INO80D: variants seen among roughly 807,000 people sequenced by gnomAD.
INO80D encodes the protein INO80 complex subunit D.
INO80D carries 21 observed loss-of-function variants against 87.6 expected under a neutral mutation model. That is an observed-to-expected ratio of 0.24 (90% CI 0.17 to 0.35). The LOEUF (loss-of-function observed/expected upper bound fraction) is 0.35, where lower values mean the gene tolerates loss of function less well. Ranked by LOEUF, INO80D falls within the 10% of genes least tolerant of loss-of-function variation. The pLI, the probability that INO80D is intolerant of heterozygous loss-of-function variation, is 1.00. For missense variants in INO80D, 982 were observed against 1,280.7 expected (o/e 0.77, Z 3.56); for synonymous variants, 440 against 491.0 (o/e 0.90, Z 1.37).
intron 6 of INO80D, among the ~76,000 whole-genome samples, chr2:206,026,593 A>G (rs1688621811): frequency 6.6e-6 from 1 of 150,900 alleles, no homozygotes; most frequent in Non-Finnish European, 1.5e-5. Flanking sequence ...AAATATATAT[A>G]AAAAACAAAA....
chr2:206,060,843 A>C (rs1315386504), intron 3 of INO80D, among the ~76,000 whole-genome samples: 2 of 152,064 alleles, frequency 1.3e-5, no homozygotes, highest in Non-Finnish European at 2.9e-5. Flanking sequence ...TACAGGCGTG[A>C]GCCACCGTGC....
At position 206,009,753 on chromosome 2, in the gene INO80D, G is replaced by T. The variant is rs540647686; in HGVS notation, c.1584C>A (p.His528Gln). 1 of 1,613,650 alleles carries T rather than the reference G, an allele frequency of 6.2e-7. No homozygotes were observed. Among genetic ancestry groups the T allele is most frequent in the East Asian group, 2.2e-5 (1 of 44,884 alleles). ...LRGDNSRKVQHQQQRKPRKKT... is the reference protein window; with the variant it reads ...LRGDNSRKVQQQQQRKPRKKT... Reference sequence around the variant, plus strand: ...TTTTCCTGGGTTTCCTCTGCTGCTGGTGCTGAACTTTACGGGAGTTATCTC... The same window carrying T: ...TTTTCCTGGGTTTCCTCTGCTGCTGTTGCTGAACTTTACGGGAGTTATCTC... The change falls in exon 9 of 11, where the codon CAC (histidine) becomes CAA (glutamine). Residue 528 changes from histidine to glutamine, a missense_variant. Coordinates refer to ENST00000403263, the MANE Select transcript of INO80D (RefSeq NM_017759.5).
chr2:206,033,736 A>G (rs764153398), intron 5 of INO80D, among the ~76,000 whole-genome samples: 7 of 152,194 alleles, frequency 4.6e-5, no homozygotes, highest in Admixed American at 1.3e-4. Flanking sequence ...AATAACCAAT[A>G]TCAGAGTAGA....
chr2:206,048,401 CTT>C (rs1347527549), intron 4 of INO80D, among the ~76,000 whole-genome samples: 1 of 151,962 alleles, frequency 6.6e-6, no homozygotes, highest in Non-Finnish European at 1.5e-5. Flanking sequence ...CCCAGCTAAT[CTT>C]TGTACTTTTT....
At chr2:206,046,409 A>G (rs1575843673) in intron 5 of INO80D, 95 bp downstream of exon 5, 1 of 803,080 alleles carries the variant, frequency 1.2e-6, no homozygotes, top group Non-Finnish European at 2.1e-6. Context: ...GCTTGGTGGC[A>G]GTAAGCTGAG....
chr2:206,086,049 A>G lies in INO80D; in HGVS notation c.-272T>C, dbSNP rs1690462389. On this transcript the variant is annotated 5_prime_UTR_variant, in exon 1 of 11. Transcript: ENST00000403263. ...CTCCGGCGAGAGCCTTTCCCTGTCA[A>G]GCAAGAGGGGTGAGGATCATATTTT... is the stretch of plus-strand genomic sequence containing the variant. 6.6e-6 allele frequency: 1 copy of G among 152,300 alleles called. No homozygotes were observed. The highest frequency in any genetic ancestry group is 2.4e-5 in the African/African-American group (1 of 41,458). The allele number at this position is 152,300 out of a possible 1,614,324, so 9.4% of individuals were successfully genotyped here. A position where few individuals can be genotyped will look rare whatever the true frequency, so the allele number is the denominator to read the frequency against.
In INO80D at chr2:206,056,292, G is replaced by C. The variant is rs762231879; in HGVS notation, c.870C>G (p.Phe290Leu). Residue 290 changes from phenylalanine (F) to leucine (L), a missense_variant, in exon 4 of 11, where the codon TTC becomes TTG. By Grantham distance (22) the Phe-to-Leu change is conservative. Transcript: ENST00000403263. ...TDRILMKATA[F>L]SPHFSCISRL... ...GGCTTATACATGAGAAGTGTGGAGAGAAGGCTGTGGCTTTCATGAGGATCC... is the reference window on the plus strand; with the variant it reads ...GGCTTATACATGAGAAGTGTGGAGACAAGGCTGTGGCTTTCATGAGGATCC... 6.2e-7 allele frequency: 1 copy of C among 1,613,908 alleles called. No individual in the cohort carries two copies. The highest frequency in any genetic ancestry group is 8.5e-7 in the Non-Finnish European group (1 of 1,179,910).
rs1321569233 is a variant in INO80D, at chr2:206,028,175, T to C, written c.1234A>G (p.Lys412Glu). 1.3e-5 allele frequency: 20 copies of C among 1,590,930 alleles called. No homozygotes were observed. In the Middle Eastern group the frequency reaches 5.2e-4, roughly 41 times the overall value. ...FRKALLQAAS[K>E]EPECTGQLIQ... ...AACTGACCAGTGCATTCTGGTTCTT[T>C]ACTGGCCGCCTGCAGCAAAGCTTTC... Residue 412 changes from lysine to glutamate, a missense_variant, in exon 6 of 11, where the codon AAA becomes GAA. Transcript: ENST00000403263.
chr2:206,016,913 G>T (rs1402122311), intron 8 of INO80D, among the ~76,000 whole-genome samples: 1 of 152,156 alleles, frequency 6.6e-6, no homozygotes, highest in African/African-American at 2.4e-5. Flanking sequence ...ACATAGAACT[G>T]TGAGTCCAAT....
chr2:206,006,045 T>A (rs1688015690), intron 10 of INO80D, among the ~76,000 whole-genome samples: 1 of 152,072 alleles, frequency 6.6e-6, no homozygotes, highest in South Asian at 2.1e-4. Context: ...AACACTAAGC[T>A]CTCAGTTCAT....
chr2:206,028,504 T>G (rs1021196568), intron 5 of INO80D, among the ~76,000 whole-genome samples, 169 bp from the exon 6 acceptor site: 12 of 152,228 alleles, frequency 7.9e-5, no homozygotes, highest in Non-Finnish European at 1.6e-4. Context: ...AGAGCTGAAC[T>G]AAGTACAGTA....
At chr2:206,009,415 T>C (rs1688110444) in intron 9 of INO80D, among the ~76,000 whole-genome samples, 162 bp downstream of exon 9, 1 of 152,264 alleles carries the variant, frequency 6.6e-6, no homozygotes, top group Non-Finnish European at 1.5e-5. Flanking sequence ...TACAGCCAGA[T>C]ATAGGTAAAA....
At chr2:206,038,705 C>A (rs934585970) in intron 5 of INO80D, among the ~76,000 whole-genome samples, 1 of 151,988 alleles carries the variant, frequency 6.6e-6, no homozygotes, top group African/African-American at 2.4e-5. Flanking sequence ...TGCTGGTACA[C>A]GCCTGTAATC....
At chr2:206,027,968 T>C in intron 6 of INO80D, 143 bp downstream of exon 6, 1 of 486,266 alleles carries the variant, frequency 2.1e-6, no homozygotes, top group South Asian at 7.0e-5. Flanking sequence ...TGTAGCACTT[T>C]AATAAAGCAA....
chr2:206,078,061 CAAAAAAAAAAAAA>C (rs71410859), intron 1 of INO80D, among the ~76,000 whole-genome samples: 20 of 63,060 alleles, frequency 3.2e-4, no homozygotes, highest in African/African-American at 8.3e-4. Context: ...GCAATGTTTA[CAAAAAAAAAAAAA>C]AAAAAAAAAA....
intron 6 of INO80D, among the ~76,000 whole-genome samples, chr2:206,023,672 G>C (rs1018245405): frequency 3.0e-5 from 4 of 132,046 alleles, no homozygotes; most frequent in Non-Finnish European, 4.7e-5. Flanking sequence ...AACAGAGTGA[G>C]ACTCATCTAA....
At chr2:206,083,860 CA>C (rs35840816) in intron 1 of INO80D, among the ~76,000 whole-genome samples, 16,667 of 99,388 alleles carry the variant, frequency 0.17, 974 homozygotes, top group Admixed American at 0.26. Flanking sequence ...CTAAGCTCAC[CA>C]AAAAAAAAAA....
chr2:206,053,215 T>C (rs957400954), intron 4 of INO80D, among the ~76,000 whole-genome samples: 2 of 152,164 alleles, frequency 1.3e-5, no homozygotes, highest in Non-Finnish European at 2.9e-5. Context: ...AATAATTGTT[T>C]TACTGCAAGG....
At chr2:206,055,065 T>A (rs148982415) in intron 4 of INO80D, among the ~76,000 whole-genome samples, 1 of 152,366 alleles carries the variant, frequency 6.6e-6, no homozygotes, top group East Asian at 1.9e-4. Context: ...AATTCATTGT[T>A]GCTTTAATTT....
Sources: gnomAD v4.1 joint callset for allele counts (sites outside exome capture counted in the v4.1 genomes callset) on GRCh38, gnomAD v4.1.1 for gene constraint, MANE v1.5 for transcripts, NCBI Gene and HGNC (gene_info 2026-07-23, HGNC 2026-07-21) for gene names.